Variants in KLRG1 observed in about 807,000 individuals in gnomAD.
The protein encoded by KLRG1 is killer cell lectin-like receptor subfamily G member 1.
KLRG1 carries 16 observed loss-of-function variants against 21.8 expected under a neutral mutation model. The observed-to-expected ratio is 0.73, with a 90% CI of 0.50 to 1.11. The LOEUF (loss-of-function observed/expected upper bound fraction) is 1.11. KLRG1 is among the 50% of genes most tolerant of loss of function. The pLI, the probability that KLRG1 is intolerant of heterozygous loss-of-function variation, is 0.00. For missense variants in KLRG1, 173 were observed against 218.3 expected, an observed-to-expected ratio of 0.79 and a Z score of 1.31; for synonymous variants, 69 against 75.9, an observed-to-expected ratio of 0.91 and a Z score of 0.47.
the KLRG1 span, among the ~76,000 whole-genome samples, chr12:9,024,227 A>G: frequency 1.3e-3 from 191 of 151,570 alleles, no homozygotes; most frequent in Middle Eastern, 3.4e-3. Context: ...AGGGGTCACT[A>G]TGTTGGCCGG....
the KLRG1 span, chr12:9,160,077 A>G: frequency 1.3e-6 from 2 of 1,531,458 alleles, no homozygotes; most frequent in Non-Finnish European, 1.8e-6. Flanking sequence ...AAGGCAGGCC[A>G]TCCATATGTT....
the KLRG1 span, among the ~76,000 whole-genome samples, chr12:9,114,447 T>C: frequency 1.3e-5 from 2 of 152,158 alleles, no homozygotes; most frequent in Non-Finnish European, 2.9e-5. Flanking sequence ...TAGATTACTT[T>C]TACAATTTTC....
At chr12:8,982,523 AC>A (rs1946770918) in intron 1 of KLRG1, among the ~76,000 whole-genome samples, 1 of 152,232 alleles carries the variant, frequency 6.6e-6, no homozygotes, top group Non-Finnish European at 1.5e-5. Context: ...AAACTAACAC[AC>A]CACTCCAGGT....
chr12:9,118,976 G>C, the KLRG1 span, among the ~76,000 whole-genome samples: 1 of 152,180 alleles, frequency 6.6e-6, no homozygotes, highest in African/African-American at 2.4e-5. Context: ...CAATGGGCAG[G>C]AGCACCCAAG....
chr12:9,196,347 T>A, the KLRG1 span: 2 of 1,610,494 alleles, frequency 1.2e-6, no homozygotes, highest in Non-Finnish European at 1.7e-6. Flanking sequence ...AAAAAGGGGA[T>A]TCCTTGTCTA....
At chr12:9,116,561 C>A in the KLRG1 span, among the ~76,000 whole-genome samples, 1 of 152,118 alleles carries the variant, frequency 6.6e-6, no homozygotes, top group Non-Finnish European at 1.5e-5. Context: ...GCCTAACAAA[C>A]TTCCCAATTG....
chr12:9,211,027 T>A, the KLRG1 span, among the ~76,000 whole-genome samples: 3 of 152,188 alleles, frequency 2.0e-5, no homozygotes, highest in Non-Finnish European at 4.4e-5. Context: ...GATTGTTGTA[T>A]GAGAGGCATG....
chr12:9,079,555 A>G, the KLRG1 span: 3 of 1,324,866 alleles, frequency 2.3e-6, no homozygotes, highest in African/African-American at 2.9e-5. Context: ...CTAATGTATC[A>G]TAATATTCAT....
chr12:9,164,310 A>G, the KLRG1 span: 1 of 1,577,372 alleles, frequency 6.3e-7, no homozygotes, highest in Non-Finnish European at 8.7e-7. Context: ...ATGGAACGAC[A>G]CGAACACATA....
the KLRG1 span, chr12:9,095,634 C>T: frequency 6.2e-7 from 1 of 1,609,862 alleles, no homozygotes; most frequent in Admixed American, 1.7e-5. Flanking sequence ...ATGCAGTCTT[C>T]ATTGTCCTGG....
the KLRG1 span, among the ~76,000 whole-genome samples, chr12:9,195,680 C>T: frequency 6.8e-6 from 1 of 147,684 alleles, no homozygotes; most frequent in Non-Finnish European, 1.5e-5. Flanking sequence ...TCTAGAACTC[C>T]TGGCCTCAGG....
intron 1 of KLRG1, among the ~76,000 whole-genome samples, chr12:8,965,698 A>G (rs1165372874): frequency 2.0e-5 from 3 of 152,252 alleles, no homozygotes; most frequent in African/African-American, 7.2e-5. Flanking sequence ...GGACACAAAG[A>G]AATGGAAGAA....
the KLRG1 span, chr12:9,201,095 T>C: frequency 6.2e-7 from 1 of 1,610,388 alleles, no homozygotes; most frequent in Non-Finnish European, 8.5e-7. Flanking sequence ...CGGTAATCAT[T>C]TAGTCACAAT....
chr12:9,046,303 G>A, the KLRG1 span, among the ~76,000 whole-genome samples: 3 of 152,232 alleles, frequency 2.0e-5, no homozygotes, highest in Non-Finnish European at 4.4e-5. Context: ...GGGAATAGCA[G>A]AAGGAGAAGA....
chr12:9,025,852 C>T, the KLRG1 span, among the ~76,000 whole-genome samples: 2 of 152,098 alleles, frequency 1.3e-5, no homozygotes, highest in African/African-American at 4.8e-5. Context: ...TGGTGAACTT[C>T]ATTTTCTCAG....
the KLRG1 span, among the ~76,000 whole-genome samples, chr12:9,137,366 C>A: frequency 6.6e-6 from 1 of 152,012 alleles, no homozygotes; most frequent in Admixed American, 6.5e-5. Flanking sequence ...CCTGAGATCT[C>A]TATTCTGTCA....
the KLRG1 span, chr12:9,079,906 T>C: frequency 3.9e-6 from 5 of 1,276,136 alleles, no homozygotes; most frequent in Non-Finnish European, 4.2e-6. Context: ...AGCTTAGAAA[T>C]TGAGAATTTT....
At chr12:9,167,556 C>T in the KLRG1 span, 1 of 152,200 alleles carries the variant, frequency 6.6e-6, no homozygotes, top group Non-Finnish European at 1.5e-5. Flanking sequence ...CACCTCCACC[C>T]CTGCTGCTTT....
chr12:9,087,066 A>G, the KLRG1 span, among the ~76,000 whole-genome samples: 3 of 152,330 alleles, frequency 2.0e-5, no homozygotes, highest in African/African-American at 7.2e-5. Context: ...AATAAATCTA[A>G]TCAAGGAGGT....
Sources: allele counts gnomAD v4.1 joint callset (sites outside exome capture counted in the v4.1 genomes callset), GRCh38; gene constraint gnomAD v4.1.1; transcripts MANE v1.5; gene names NCBI Gene and HGNC (gene_info 2026-07-23, HGNC 2026-07-21).